ATP8A1: variants seen among roughly 807,000 people sequenced by gnomAD.
ATP8A1 encodes phospholipid-transporting ATPase IA.
In ATP8A1, 90 loss-of-function variants were observed where a neutral mutation model predicts 177.7. The observed-to-expected ratio is 0.51, with a 90% CI of 0.43 to 0.60. The LOEUF is 0.60. Ranked by LOEUF, ATP8A1 falls within the 20% of genes least tolerant of loss-of-function variation. ATP8A1 has a pLI of 0.00. For synonymous variants in ATP8A1, 493 were observed against 485.9 expected (o/e 1.01, Z -0.19); for missense variants, 1,072 against 1,392.8 (o/e 0.77, Z 3.67).
Position 42,422,910 on chromosome 4 carries a change from A to G in ATP8A1, c.3213-11T>C, listed in dbSNP as rs1714154975. 3 of 1,557,374 alleles carry G rather than the reference A, an allele frequency of 1.9e-6. No homozygotes were observed. Among genetic ancestry groups the G allele is most frequent in the South Asian group, 2.4e-5 (2 of 84,228 alleles). ...GCAGTCCTCTTGATACTGCAAAAAG[A>G]AAAAAAAAGGGATTTGCATGGAAAT... On this transcript the variant is annotated splice_polypyrimidine_tract_variant and intron_variant, in intron 34 of 36. Coordinates refer to ENST00000381668, the MANE Select transcript of ATP8A1 (RefSeq NM_006095.2).
At chr4:42,539,337 G>C (rs1000365579) in intron 20 of ATP8A1, among the ~76,000 whole-genome samples, 1 of 151,052 alleles carries the variant, frequency 6.6e-6, no homozygotes, top group Non-Finnish European at 1.5e-5. Context: ...TGGCTGCATG[G>C]AAATCTCTGA....
At chr4:42,587,285 C>T (rs560307237) in intron 8 of ATP8A1, among the ~76,000 whole-genome samples, 13 of 150,920 alleles carry the variant, frequency 8.6e-5, no homozygotes, top group African/African-American at 2.7e-4. Flanking sequence ...GTTGTGGGAG[C>T]TTGTTGTACA....
chr4:42,436,390 G>A (rs977826011), intron 33 of ATP8A1, among the ~76,000 whole-genome samples: 3 of 152,334 alleles, frequency 2.0e-5, no homozygotes, highest in African/African-American at 7.2e-5. Context: ...TTCTCGTAAT[G>A]GCTCTAAGGA....
chr4:42,641,748 A>G (rs561833190), intron 1 of ATP8A1, among the ~76,000 whole-genome samples: 7 of 152,216 alleles, frequency 4.6e-5, no homozygotes, highest in African/African-American at 1.7e-4. Context: ...ACAATGATGA[A>G]AGTTATCTGA....
chr4:42,549,668 G>A (rs745804844), intron 18 of ATP8A1, among the ~76,000 whole-genome samples: 18 of 151,780 alleles, frequency 1.2e-4, no homozygotes, highest in Non-Finnish European at 2.2e-4. Context: ...GGTGGCACAT[G>A]CCTATCTATA....
At chr4:42,616,960 A>G (rs1736978968) in intron 4 of ATP8A1, among the ~76,000 whole-genome samples, 1 of 152,216 alleles carries the variant, frequency 6.6e-6, no homozygotes, top group African/African-American at 2.4e-5. Context: ...ACTGCAGAAG[A>G]GCGGTGAGTG....
chr4:42,537,422 T>A (rs1727963165), intron 20 of ATP8A1, among the ~76,000 whole-genome samples: 4 of 150,322 alleles, frequency 2.7e-5, no homozygotes, highest in Admixed American at 1.3e-4. Context: ...GCCAGAGCAA[T>A]CAGATAAGAG....
intron 24 of ATP8A1, among the ~76,000 whole-genome samples, chr4:42,496,454 A>C (rs962282308): frequency 2.0e-5 from 3 of 152,196 alleles, no homozygotes; most frequent in African/African-American, 7.2e-5. Flanking sequence ...CTGGGTAGGC[A>C]GACATCCAGT....
At chr4:42,444,875 C>T (rs745546365) in intron 31 of ATP8A1, among the ~76,000 whole-genome samples, 2 of 152,202 alleles carry the variant, frequency 1.3e-5, no homozygotes, top group African/African-American at 2.4e-5. Context: ...TCTCCCTCAC[C>T]TGCACAGCCT....
Position 42,435,442 on chromosome 4 carries a change from AAAAAAAAC to A in ATP8A1, c.3123+8115_3123+8122del, listed in dbSNP as rs1406808429. On this transcript the variant is annotated intron_variant, in intron 33 of 36. Transcript: ENST00000381668. ...ACTTCATCTCAAAAAAAAAAAAAAA[AAAAAAAAC>A]AAAAAAAAAAAAACAAACTATCTCC... 6.3e-3 allele frequency among the ~76,000 whole-genome samples: 847 copies of A among 133,796 alleles called. 7 individuals carry two copies. Among genetic ancestry groups the A allele is most frequent in the South Asian group, 0.029 (109 of 3,802 alleles). 87.8% of individuals were successfully genotyped at this position (133,796 alleles called of 152,430 possible). A position where few individuals can be genotyped will look rare whatever the true frequency, so the allele number is the denominator to read the frequency against.
chr4:42,448,544 C>T (rs1050994000), intron 30 of ATP8A1, among the ~76,000 whole-genome samples: 3 of 150,938 alleles, frequency 2.0e-5, no homozygotes, highest in Non-Finnish European at 4.4e-5. Flanking sequence ...GTTACAGGCA[C>T]ACGTCACCAT....
In ATP8A1 at chr4:42,590,848, C is replaced by G. The variant is rs769866442; in HGVS notation, c.487G>C (p.Glu163Gln). 1 of 1,613,706 alleles carries G rather than the reference C, an allele frequency of 6.2e-7. No homozygotes were observed. The highest frequency in any genetic ancestry group is 1.7e-5 in the Admixed American group (1 of 59,990). Reference protein sequence around the residue: ...VGEIVKVTNGEHLPADLISLS... With the variant: ...VGEIVKVTNGQHLPADLISLS... ...CTGATGAGATCTGCTGGGAGATGTT[C>G]CCCATTGGTCACTTTCACTATCTCC... The change falls in exon 7 of 37, where the codon GAA becomes CAA. Residue 163 changes from glutamate (E) to glutamine (Q), a missense_variant. Glu to Gln is a conservative substitution (Grantham distance 29, BLOSUM62 2). Transcript: ENST00000381668.
chr4:42,507,190 C>A, intron 22 of ATP8A1, 36 bp from the exon 23 acceptor site: 1 of 1,607,448 alleles, frequency 6.2e-7, no homozygotes, highest in Non-Finnish European at 8.5e-7. Flanking sequence ...TTTTAAAAAT[C>A]CGTTCATATT....
chr4:42,610,305 T>C (rs1217424749), intron 5 of ATP8A1, among the ~76,000 whole-genome samples: 1 of 152,188 alleles, frequency 6.6e-6, no homozygotes, highest in Non-Finnish European at 1.5e-5. Context: ...AAAGACTTTC[T>C]GAAGTAAAAT....
chr4:42,579,043 T>C (rs1319131708), intron 11 of ATP8A1, among the ~76,000 whole-genome samples: 2 of 152,058 alleles, frequency 1.3e-5, no homozygotes, highest in Non-Finnish European at 1.5e-5. Flanking sequence ...ATACCAGTTT[T>C]TGCTATGTGA....
At chr4:42,513,672 G>C (rs1468032699) in intron 22 of ATP8A1, among the ~76,000 whole-genome samples, 1 of 152,144 alleles carries the variant, frequency 6.6e-6, no homozygotes, top group Non-Finnish European at 1.5e-5. Context: ...AGGAAGATGA[G>C]GCTGGAAAAG....
At chr4:42,618,224 C>A (rs1040319799) in intron 4 of ATP8A1, among the ~76,000 whole-genome samples, 2 of 152,198 alleles carry the variant, frequency 1.3e-5, no homozygotes, top group East Asian at 1.9e-4. Flanking sequence ...TTGCCATCTG[C>A]ACCTTGACCC....
chr4:42,483,617 G>A (rs1453859168), intron 25 of ATP8A1, among the ~76,000 whole-genome samples: 2 of 152,150 alleles, frequency 1.3e-5, no homozygotes, highest in Admixed American at 6.5e-5. Flanking sequence ...CAAGGATTTC[G>A]GGAGGGAATT....
At chr4:42,470,669 C>T (rs1174835537) in intron 25 of ATP8A1, among the ~76,000 whole-genome samples, 1 of 152,018 alleles carries the variant, frequency 6.6e-6, no homozygotes, top group East Asian at 1.9e-4. Context: ...TATGAAGTTG[C>T]CTTTAGAAGG....
Sources: allele counts gnomAD v4.1 joint callset (sites outside exome capture counted in the v4.1 genomes callset), GRCh38; gene constraint gnomAD v4.1.1; transcripts MANE v1.5; gene names NCBI Gene and HGNC (gene_info 2026-07-23, HGNC 2026-07-21).